Variants in SORD observed in about 807,000 individuals in gnomAD.
SORD encodes (R,R)-butanediol dehydrogenase.
SORD carries 18 observed loss-of-function variants against 35.6 expected under a neutral mutation model. The ratio of observed to expected loss-of-function variants is 0.51; its 90% CI spans 0.35 to 0.75. SORD has a LOEUF of 0.75. SORD is among the 30% of genes least tolerant of loss of function. The probability of loss-of-function intolerance (pLI) is 0.01; values close to 1 mark genes in which losing one functional copy is unlikely to be tolerated. For missense variants in SORD, 250 were observed against 390.2 expected, an observed-to-expected ratio of 0.64 and a Z score of 3.03; for synonymous variants, 106 against 152.9, an observed-to-expected ratio of 0.69 and a Z score of 2.26.
chr15:45,037,810 G>A (rs1412301757), intron 1 of SORD, among the ~76,000 whole-genome samples: 1 of 151,970 alleles, frequency 6.6e-6, no homozygotes, highest in Admixed American at 6.6e-5. Flanking sequence ...AGGGGGTGGG[G>A]GACAAGGGGA....
intron 1 of SORD, among the ~76,000 whole-genome samples, chr15:45,039,170 G>A (rs571792756): frequency 6.6e-6 from 1 of 150,624 alleles, no homozygotes; most frequent in Admixed American, 6.6e-5. Context: ...ACCCTGTCAC[G>A]CAGGCTGAAG....
chr15:45,058,496 T>G (rs1893252969), intron 3 of SORD: 1 of 151,414 alleles, frequency 6.6e-6, no homozygotes, highest in South Asian at 2.1e-4. Context: ...AAAAAAACTA[T>G]GGATAAGAAA....
chr15:45,028,482 G>C (rs748987304), intron 1 of SORD, among the ~76,000 whole-genome samples: 3 of 152,212 alleles, frequency 2.0e-5, no homozygotes, highest in African/African-American at 2.4e-5. Context: ...AGGAGCATCT[G>C]AACAGGGAGA....
chr15:45,068,975 G>A lies in SORD; in HGVS notation c.709G>A (p.Glu237Lys), dbSNP rs377602343. The A allele has an allele frequency of 6.2e-7, 1 of 1,608,194 alleles. No individual in the cohort carries two copies. Among genetic ancestry groups the A allele is most frequent in the Non-Finnish European group, 8.5e-7 (1 of 1,178,320 alleles). The change falls in exon 7 of 9, where the codon GAA (glutamate) becomes AAA (lysine). Residue 237 changes from glutamate to lysine, a missense_variant. Physicochemically the swap from Glu to Lys is moderately conservative, Grantham distance 56. Around this residue, in one of 8 missense-constraint regions of SORD, gnomAD observed 44 missense variants for 54.5 expected, o/e 0.81. Transcript: ENST00000267814. ...CCCTCAGGAAATCGCCAGGAAAGTA[G>A]AAGGTCAGCTGGGGTGCAAGCCGGA... is the stretch of plus-strand genomic sequence containing the variant. ...ESPQEIARKV[E>K]GQLGCKPEVT...
intron 3 of SORD, among the ~76,000 whole-genome samples, chr15:45,049,449 C>T (rs373087832): frequency 2.0e-4 from 30 of 151,946 alleles, no homozygotes; most frequent in African/African-American, 5.8e-4. Flanking sequence ...AACCTCTAGG[C>T]GAGAAAAAAC....
chr15:45,053,611 A>G (rs939053475), intron 3 of SORD, among the ~76,000 whole-genome samples: 3 of 152,042 alleles, frequency 2.0e-5, no homozygotes, highest in South Asian at 2.1e-4. Flanking sequence ...TGTTACTTCT[A>G]TTTGAATTTC....
At chr15:45,028,508 C>T (rs75588307) in intron 1 of SORD, among the ~76,000 whole-genome samples, 29,439 of 147,288 alleles carry the variant, frequency 0.2, no homozygotes, top group African/African-American at 0.44. Context: ...AGGAACAAAA[C>T]AGGCTCCATT....
At chr15:45,027,551 C>G (rs1183024688) in intron 1 of SORD, among the ~76,000 whole-genome samples, 1 of 152,244 alleles carries the variant, frequency 6.6e-6, no homozygotes, top group Non-Finnish European at 1.5e-5. Flanking sequence ...GACACTTAAA[C>G]CATATCAGCT....
In SORD at chr15:45,045,858, G is replaced by A. The variant is rs149636312; in HGVS notation, c.265+2437G>A. Among the ~76,000 whole-genome samples the A allele has an allele frequency of 4.0e-3, 606 of 152,128 alleles. 4 individuals are homozygous for A. Among genetic ancestry groups the A allele is most frequent in the African/African-American group, 0.014 (592 of 41,496 alleles). ...GTCTCTACAAAAAATAGAATTAGCTGGGTGTGGTAGTGTGCACCTGCATTT... is the reference window on the plus strand; with the variant it reads ...GTCTCTACAAAAAATAGAATTAGCTAGGTGTGGTAGTGTGCACCTGCATTT... On this transcript the variant is annotated intron_variant, in intron 3 of 8. Coordinates refer to ENST00000267814, the MANE Select transcript of SORD (RefSeq NM_003104.6).
intron 3 of SORD, among the ~76,000 whole-genome samples, chr15:45,059,940 A>T (rs1431789917): frequency 6.6e-6 from 1 of 152,262 alleles, no homozygotes; most frequent in Non-Finnish European, 1.5e-5. Flanking sequence ...TACAAAAAAA[A>T]GTCAAAACAT....
chr15:45,064,919 C>T (rs1566964303), intron 4 of SORD, among the ~76,000 whole-genome samples: 1 of 152,178 alleles, frequency 6.6e-6, no homozygotes, highest in South Asian at 2.1e-4. Context: ...AACCATGTTG[C>T]CTTCTTCAGA....
At chr15:45,052,344 C>T (rs1893139000) in intron 3 of SORD, among the ~76,000 whole-genome samples, 1 of 152,194 alleles carries the variant, frequency 6.6e-6, no homozygotes, top group Admixed American at 6.5e-5. Flanking sequence ...TAAAAGTTGT[C>T]TCTCAAGGGT....
intron 3 of SORD, among the ~76,000 whole-genome samples, chr15:45,056,994 C>A (rs1197854670): frequency 2.0e-5 from 3 of 152,204 alleles, no homozygotes; most frequent in Admixed American, 6.5e-5. Context: ...ATGCGCACAC[C>A]TTTGACTACA....
At chr15:45,059,665 A>C (rs574495553) in intron 3 of SORD, among the ~76,000 whole-genome samples, 1 of 152,236 alleles carries the variant, frequency 6.6e-6, no homozygotes, top group Non-Finnish European at 1.5e-5. Flanking sequence ...AGCTAATTAA[A>C]AAAATTTTTT....
intron 1 of SORD, among the ~76,000 whole-genome samples, chr15:45,026,084 C>T (rs963444292): frequency 6.6e-6 from 1 of 152,278 alleles, no homozygotes; most frequent in East Asian, 1.9e-4. Context: ...TCAGGTGCAC[C>T]TGCAGCTCAA....
chr15:45,036,280 A>G (rs1316762157), intron 1 of SORD: 28 of 454,988 alleles, frequency 6.2e-5, no homozygotes, highest in Non-Finnish European at 1.1e-4. Flanking sequence ...AGAGGAGTAT[A>G]TATGTGATTA....
chr15:45,026,152 C>T (rs546022687), intron 1 of SORD, among the ~76,000 whole-genome samples: 7 of 152,348 alleles, frequency 4.6e-5, no homozygotes, highest in African/African-American at 1.4e-4. Context: ...ACCAGCACCT[C>T]CACAGTGCCC....
At chr15:45,031,242 C>T (rs1892780390) in intron 1 of SORD, among the ~76,000 whole-genome samples, 1 of 151,970 alleles carries the variant, frequency 6.6e-6, no homozygotes, top group African/African-American at 2.4e-5. Context: ...CGTTTGAGCC[C>T]AGGAGTTCGA....
In SORD at chr15:45,057,578, G is replaced by T. The variant is rs1407109191; in HGVS notation, c.266-3489G>T. 1.3e-5 allele frequency among the ~76,000 whole-genome samples: 2 copies of T among 152,106 alleles called. 1 individual carries two copies. Among genetic ancestry groups the T allele is most frequent in the East Asian group, 3.9e-4 (2 of 5,192 alleles). On this transcript the variant is annotated intron_variant, in intron 3 of 8. Transcript: ENST00000267814. ...GGTGGGCAGATCATGAGGTCAGGAA[G>T]TGGAGACCATCCTGGCTAACATGGT...
Sources: allele counts gnomAD v4.1 joint callset (sites outside exome capture counted in the v4.1 genomes callset), GRCh38; gene constraint gnomAD v4.1.1; regional missense constraint gnomAD v4.1.1; transcripts MANE v1.5; gene names NCBI Gene and HGNC (gene_info 2026-07-23, HGNC 2026-07-21).